The following PPFIBP1 variants were observed in gnomAD, a reference collection of about 807,000 sequenced individuals.
PPFIBP1 encodes liprin-beta-1.
Under a neutral mutation model 137.8 loss-of-function variants are expected in PPFIBP1, and 112 were observed. The observed-to-expected ratio is 0.81, with a 90% CI of 0.70 to 0.95. PPFIBP1 has a LOEUF of 0.95. Among genes scored for constraint, PPFIBP1 ranks in the 40% least tolerant of loss-of-function variants. The pLI is 0.00. For synonymous variants in PPFIBP1, 378 were observed against 417.3 expected (o/e 0.91, Z 1.15); for missense variants, 1,083 against 1,196.6 (o/e 0.91, Z 1.40).
intron 1 of PPFIBP1, among the ~76,000 whole-genome samples, chr12:27,570,312 A>T (rs1356998380): frequency 6.6e-6 from 1 of 152,168 alleles, no homozygotes. Flanking sequence ...AAATAGCTGG[A>T]TACTATTCTG....
chr12:27,682,765 A>G, intron 24 of PPFIBP1, 62 bp downstream of exon 24: 3 of 1,611,452 alleles, frequency 1.9e-6, no homozygotes, highest in Non-Finnish European at 2.5e-6. Context: ...AAACACAGGA[A>G]TTGAGTAAGC....
intron 7 of PPFIBP1, among the ~76,000 whole-genome samples, chr12:27,653,724 A>G (rs59118472): frequency 0.022 from 3,278 of 152,054 alleles, 123 homozygotes; most frequent in African/African-American, 0.075. Flanking sequence ...AGGAGTTAAT[A>G]TTGCTTAACA....
At chr12:27,542,625 G>A (rs899529960) in intron 1 of PPFIBP1, among the ~76,000 whole-genome samples, 3 of 152,146 alleles carry the variant, frequency 2.0e-5, no homozygotes, top group Admixed American at 6.5e-5. Context: ...AGAATTGCTG[G>A]TAGATCTGCA....
At chr12:27,580,540 A>G (rs534253848) in intron 2 of PPFIBP1, among the ~76,000 whole-genome samples, 1 of 152,360 alleles carries the variant, frequency 6.6e-6, no homozygotes, top group Non-Finnish European at 1.5e-5. Flanking sequence ...TAGACCTAGC[A>G]CTAAAAATGA....
intron 2 of PPFIBP1, among the ~76,000 whole-genome samples, chr12:27,600,665 C>T (rs1203781229): frequency 1.3e-5 from 2 of 151,878 alleles, no homozygotes; most frequent in African/African-American, 4.8e-5. Context: ...ATGTTAATCT[C>T]GTGCATGTTT....
Position 27,581,230 on chromosome 12 carries a change from G to A in PPFIBP1, c.-36+2991G>A, listed in dbSNP as rs1319535133. On this transcript the variant is annotated intron_variant, in intron 2 of 29. Coordinates refer to ENST00000228425, the MANE Select transcript of PPFIBP1 (RefSeq NM_003622.4). The stretch of plus-strand genomic sequence containing the variant: ...TCTTAGGTGTTCTGGCAGGTGGCAC[G>A]TATATGAAATTTCGTTTGCCTAAGA... Among the ~76,000 whole-genome samples, 5 of 152,180 alleles carry A rather than the reference G, an allele frequency of 3.3e-5. 1 individual carries two copies. Among genetic ancestry groups the A allele is most frequent in the South Asian group, 4.1e-4 (2 of 4,832 alleles).
intron 2 of PPFIBP1, among the ~76,000 whole-genome samples, chr12:27,602,980 A>G (rs1343396628): frequency 3.3e-5 from 5 of 152,204 alleles, no homozygotes; most frequent in Admixed American, 3.3e-4. Context: ...GTTGCTAAAG[A>G]AATTCAAATT....
intron 1 of PPFIBP1, among the ~76,000 whole-genome samples, chr12:27,577,415 TA>T (rs2050663976): frequency 6.6e-6 from 1 of 152,316 alleles, no homozygotes; most frequent in East Asian, 1.9e-4. Flanking sequence ...TATGCATTTG[TA>T]AAACATGTAT....
intron 2 of PPFIBP1, among the ~76,000 whole-genome samples, chr12:27,586,020 G>C (rs1164432534): frequency 6.6e-6 from 1 of 152,194 alleles, no homozygotes; most frequent in Non-Finnish European, 1.5e-5. Flanking sequence ...AACAATAGCA[G>C]ATTTTAAAAT....
In PPFIBP1 at chr12:27,646,210, G is replaced by A; in HGVS notation, c.357+62G>A. On this transcript the variant is annotated intron_variant, in intron 5 of 29. Coordinates refer to ENST00000228425, the MANE Select transcript of PPFIBP1 (RefSeq NM_003622.4). ...ATACTTACAAAGCCTTTTAAATTGG[G>A]GTGGCAAATTCAGATTGCTTGCAGC... 3 of 1,352,994 alleles carry A rather than the reference G, an allele frequency of 2.2e-6. No individual in the cohort carries two copies. In the South Asian group the frequency reaches 3.7e-5, roughly 17 times the overall value. 83.8% of individuals were successfully genotyped at this position (1,352,994 alleles called of 1,614,324 possible).
intron 2 of PPFIBP1, among the ~76,000 whole-genome samples, chr12:27,578,632 C>T (rs1157018843): frequency 6.6e-6 from 1 of 152,148 alleles, no homozygotes; most frequent in Non-Finnish European, 1.5e-5. Flanking sequence ...CATTAATGAC[C>T]CAGTAGGCTT....
chr12:27,559,123 C>T (rs997941239), intron 1 of PPFIBP1, among the ~76,000 whole-genome samples: 4 of 152,002 alleles, frequency 2.6e-5, no homozygotes, highest in South Asian at 2.1e-4. Flanking sequence ...CTGCCTTAGC[C>T]TTCCAAAGTG....
intron 8 of PPFIBP1, among the ~76,000 whole-genome samples, 198 bp from the exon 9 acceptor site, chr12:27,656,418 A>G (rs1202872936): frequency 6.6e-6 from 1 of 152,218 alleles, no homozygotes; most frequent in Non-Finnish European, 1.5e-5. Flanking sequence ...TACCATAACT[A>G]TTATAAACAG....
chr12:27,624,639 T>G (rs1363752076), intron 2 of PPFIBP1, among the ~76,000 whole-genome samples: 2 of 152,246 alleles, frequency 1.3e-5, no homozygotes, highest in South Asian at 2.1e-4. Context: ...GCGTTTCATT[T>G]TAGTGAACAA....
chr12:27,549,795 C>T (rs571544652), intron 1 of PPFIBP1, among the ~76,000 whole-genome samples: 12 of 152,306 alleles, frequency 7.9e-5, no homozygotes, highest in Admixed American at 2.0e-4. Context: ...ACAACTGCCC[C>T]GCCCTCTCCC....
chr12:27,538,223 T>A (rs1945266092), intron 1 of PPFIBP1: 1 of 152,242 alleles, frequency 6.6e-6, no homozygotes, highest in Non-Finnish European at 1.5e-5. Flanking sequence ...CAGACCCACT[T>A]AAAAGCAGTT....
chr12:27,679,100 A>G (rs983869491), intron 19 of PPFIBP1, among the ~76,000 whole-genome samples: 4 of 152,148 alleles, frequency 2.6e-5, no homozygotes, highest in African/African-American at 9.7e-5. Flanking sequence ...CAAAGACACT[A>G]TCAGATGACA....
At chr12:27,614,010 C>A (rs959950963) in intron 2 of PPFIBP1, among the ~76,000 whole-genome samples, 1 of 152,148 alleles carries the variant, frequency 6.6e-6, no homozygotes, top group Non-Finnish European at 1.5e-5. Context: ...AATCTCTCTT[C>A]CTATCTCCTG....
intron 2 of PPFIBP1, 21 bp from the exon 3 acceptor site, chr12:27,633,341 G>A (rs1301412781): frequency 6.5e-7 from 1 of 1,540,982 alleles, no homozygotes; most frequent in Non-Finnish European, 9.0e-7. Flanking sequence ...TGGATGTAAT[G>A]ATAACCTTAT....
Sources: allele counts gnomAD v4.1 joint callset (sites outside exome capture counted in the v4.1 genomes callset), GRCh38; gene constraint gnomAD v4.1.1; transcripts MANE v1.5; gene names NCBI Gene and HGNC (gene_info 2026-07-23, HGNC 2026-07-21).